Variants in PARD3B observed in about 807,000 individuals in gnomAD.
PARD3B encodes par-3 family cell polarity regulator beta.
Under a neutral mutation model 130.2 loss-of-function variants are expected in PARD3B, and 103 were observed. That is an observed-to-expected ratio of 0.79 (90% CI 0.67 to 0.93). The LOEUF (loss-of-function observed/expected upper bound fraction) is 0.93, where lower values mean the gene tolerates loss of function less well. PARD3B is among the 40% of genes least tolerant of loss of function. PARD3B has a pLI of 0.00. For synonymous variants in PARD3B, 583 were observed against 553.2 expected, an observed-to-expected ratio of 1.05 and a Z score of -0.76; for missense variants, 1,609 against 1,499.2, an observed-to-expected ratio of 1.07 and a Z score of -1.21.
chr2:205,086,816 G>A (rs1308152621), intron 4 of PARD3B, among the ~76,000 whole-genome samples: 2 of 152,236 alleles, frequency 1.3e-5, no homozygotes, highest in Non-Finnish European at 2.9e-5. Flanking sequence ...AGGGGTGGGT[G>A]TGACTCATCT....
chr2:205,155,062 A>T (rs1002931165), intron 10 of PARD3B, among the ~76,000 whole-genome samples: 20 of 10,902 alleles, frequency 1.8e-3, no homozygotes, highest in African/African-American at 5.1e-3. Flanking sequence ...ATTTCATTTC[A>T]AAAAAAAAAA....
chr2:205,483,042 AGT>A (rs1413787300), intron 20 of PARD3B, among the ~76,000 whole-genome samples: 1 of 152,134 alleles, frequency 6.6e-6, no homozygotes, highest in Non-Finnish European at 1.5e-5. Flanking sequence ...ATGCTGCTTC[AGT>A]GTAAATCTCG....
chr2:205,406,656 T>C (rs2046424480), intron 19 of PARD3B, among the ~76,000 whole-genome samples: 1 of 147,400 alleles, frequency 6.8e-6, no homozygotes, highest in Admixed American at 6.7e-5. Flanking sequence ...TCTTCTTGTG[T>C]ATCTTTTTTT....
rs1414955587 is a variant in PARD3B, at chr2:205,011,867, G to T, written c.395-35714G>T. ...GCCTGGCATCATTTAGATCAGAATT[G>T]GTCAGCCTACCCAGAAAATGCAACT... is the stretch of plus-strand genomic sequence containing the variant. On this transcript the variant is annotated intron_variant, in intron 3 of 22. Transcript: ENST00000406610. The surrounding 1 kb of genome is among the most constrained non-coding windows in gnomAD (Gnocchi z 4.1). 6.6e-6 allele frequency among the ~76,000 whole-genome samples: 1 copy of T among 151,700 alleles called. No homozygotes were observed. The highest frequency in any genetic ancestry group is 1.9e-4 in the East Asian group (1 of 5,158).
At chr2:205,129,009 A>G (rs544257437) in intron 10 of PARD3B, among the ~76,000 whole-genome samples, 1 of 152,196 alleles carries the variant, frequency 6.6e-6, no homozygotes, top group African/African-American at 2.4e-5. Flanking sequence ...TAACTGTGCA[A>G]CTGTGAGATT....
At position 204,799,500 on chromosome 2, in the gene PARD3B, G is replaced by T. The variant is rs565050073; in HGVS notation, c.222+113218G>T. Among the ~76,000 whole-genome samples the T allele has an allele frequency of 1.3e-5, 2 of 152,260 alleles. No homozygotes were observed. The highest frequency in any genetic ancestry group is 1.3e-4 in the Admixed American group (2 of 15,304). On this transcript the variant is annotated intron_variant, in intron 2 of 22. Transcript: ENST00000406610. The surrounding 1 kb of genome is among the most constrained non-coding windows in gnomAD (Gnocchi z 4.1). Reference sequence around the variant, plus strand: ...CTGGGTTTCCCATCTGCTCACTGAAGAGCCCTTGGGCCGTGAGTGAACATT... The same window carrying T: ...CTGGGTTTCCCATCTGCTCACTGAATAGCCCTTGGGCCGTGAGTGAACATT...
At chr2:204,980,872 T>C (rs1482613843) in intron 3 of PARD3B, among the ~76,000 whole-genome samples, 1 of 152,190 alleles carries the variant, frequency 6.6e-6, no homozygotes, top group African/African-American at 2.4e-5. Context: ...GAAAAGGTCA[T>C]TCGTGGAAAA....
rs2106514263 is a variant in PARD3B at position 205,558,857 on chromosome 2, A to C, written c.3260+5454A>C. On this transcript the variant is annotated intron_variant, in intron 22 of 22. Coordinates refer to ENST00000406610, the MANE Select transcript of PARD3B (RefSeq NM_001302769.2). The surrounding 1 kb of genome is among the most constrained non-coding windows in gnomAD (Gnocchi z 4.8). ...TCTTCCTTTGCTCTTCTTCTTTTAAACTTCCATAGCATTTACTTAGCACCT... is the reference window on the plus strand; with the variant it reads ...TCTTCCTTTGCTCTTCTTCTTTTAACCTTCCATAGCATTTACTTAGCACCT... 6.6e-6 allele frequency among the ~76,000 whole-genome samples: 1 copy of C among 152,208 alleles called. No homozygotes were observed.
At chr2:205,143,084 A>G (rs532535251) in intron 10 of PARD3B, among the ~76,000 whole-genome samples, 1 of 152,160 alleles carries the variant, frequency 6.6e-6, no homozygotes, top group East Asian at 1.9e-4. Context: ...ATTTTGAAAT[A>G]TTGTGCAAAG....
intron 4 of PARD3B, among the ~76,000 whole-genome samples, chr2:205,052,421 A>ATATATATATATATATATATATATATATG (rs1699264354): frequency 3.4e-4 from 4 of 11,636 alleles, no homozygotes; most frequent in Non-Finnish European, 7.7e-4. Context: ...ATATATATGT[A>ATATATATATATATATATATATATATATG]TATATATATA....
At chr2:205,390,264 A>G (rs1364925375) in intron 18 of PARD3B, among the ~76,000 whole-genome samples, 3 of 151,632 alleles carry the variant, frequency 2.0e-5, no homozygotes, top group Non-Finnish European at 4.4e-5. Context: ...TTGTCTTTCC[A>G]GGCAAAATTT....
chr2:205,393,716 A>G (rs572787404), intron 18 of PARD3B, among the ~76,000 whole-genome samples: 1 of 152,334 alleles, frequency 6.6e-6, no homozygotes, highest in Admixed American at 6.5e-5. Flanking sequence ...AACTGCATAA[A>G]CTGCCCAGTG....
intron 18 of PARD3B, among the ~76,000 whole-genome samples, chr2:205,308,950 A>G (rs2042280758): frequency 6.6e-6 from 1 of 152,270 alleles, no homozygotes; most frequent in Non-Finnish European, 1.5e-5. Flanking sequence ...GTGACGGTCT[A>G]ACAGCAGAAT....
chr2:204,693,605 A>T (rs1226878170), intron 2 of PARD3B, among the ~76,000 whole-genome samples: 4 of 152,058 alleles, frequency 2.6e-5, no homozygotes, highest in Admixed American at 1.3e-4. Flanking sequence ...TACATTATTT[A>T]AAAAGTATTG....
intron 19 of PARD3B, among the ~76,000 whole-genome samples, chr2:205,426,558 A>G (rs189916840): frequency 5.3e-4 from 81 of 152,232 alleles, no homozygotes; most frequent in African/African-American, 1.8e-3. Context: ...GACCTCGACT[A>G]CCATTACCAC....
chr2:204,631,830 G>A (rs1019299856), intron 1 of PARD3B, among the ~76,000 whole-genome samples: 2 of 152,122 alleles, frequency 1.3e-5, no homozygotes, highest in African/African-American at 4.8e-5. Flanking sequence ...TTGCTTTTCT[G>A]AAAAGGATCT....
intron 21 of PARD3B, among the ~76,000 whole-genome samples, chr2:205,516,906 A>G (rs1395795563): frequency 9.9e-5 from 15 of 152,148 alleles, no homozygotes; most frequent in Admixed American, 9.8e-4. Context: ...TATGTTTGTC[A>G]TAGATGGCTC....
At chr2:205,331,913 T>C (rs849223) in intron 18 of PARD3B, among the ~76,000 whole-genome samples, 132,573 of 151,622 alleles carry the variant, frequency 0.87, 58,169 homozygotes, top group Admixed American at 0.92. Flanking sequence ...CAAAACCAGT[T>C]CGGCCAACTG....
chr2:205,521,968 T>TCTGATAGATAC (rs1358069146), intron 21 of PARD3B, among the ~76,000 whole-genome samples: 1 of 152,078 alleles, frequency 6.6e-6, no homozygotes, highest in Non-Finnish European at 1.5e-5. Context: ...TTTCAGCTTT[T>TCTGATAGATAC]CTGATAGATA....
Sources: gnomAD v4.1 joint callset for allele counts (sites outside exome capture counted in the v4.1 genomes callset) on GRCh38, gnomAD v4.1.1 for gene constraint, Gnocchi (gnomAD v3.1) non-coding constraint, MANE v1.5 for transcripts, NCBI Gene and HGNC (gene_info 2026-07-23, HGNC 2026-07-21) for gene names.